DST: variants seen among roughly 807,000 people sequenced by gnomAD.
DST encodes the protein dystonin.
A neutral mutation model predicts 875.2 loss-of-function variants in DST; 253 were observed. That is an observed-to-expected ratio of 0.29 (90% CI 0.26 to 0.32). DST has a LOEUF of 0.32. Among genes scored for constraint, DST ranks in the 10% least tolerant of loss-of-function variants. DST has a pLI of 1.00. For synonymous variants in DST, 3,124 were observed against 3,197.1 expected (o/e 0.98, Z 0.77); for missense variants, 8,287 against 9,111.6 (o/e 0.91, Z 3.68).
At chr6:56,782,370 G>T (rs1298774895) in intron 4 of DST, among the ~76,000 whole-genome samples, 1 of 152,088 alleles carries the variant, frequency 6.6e-6, no homozygotes. Flanking sequence ...TTTTTGGTTG[G>T]TAAGCTATTG....
rs781334714 is a variant in DST, at chr6:56,508,524, C to T, written c.19239+5G>A. 3.7e-6 allele frequency: 6 copies of T among 1,609,638 alleles called. No homozygotes were observed. The highest frequency in any genetic ancestry group is 5.1e-6 in the Non-Finnish European group (6 of 1,176,358). On this transcript the variant is annotated splice_donor_5th_base_variant and intron_variant, in intron 75 of 103. Transcript: ENST00000680361. ...TTCTAACTTTAAATGAGATTTTCTG[C>T]TTACCTCTGCTGCTTCTTGCTGTTG...
At chr6:56,466,392 G>GT in intron 98 of DST, 197 bp from the exon 99 acceptor site, 1 of 369,370 alleles carries the variant, frequency 2.7e-6, no homozygotes, top group African/African-American at 2.1e-5. Context: ...AAAGGAAACA[G>GT]TTTGAAAAAA....
chr6:56,695,821 T>C (rs1333619894), intron 9 of DST, among the ~76,000 whole-genome samples: 1 of 152,182 alleles, frequency 6.6e-6, no homozygotes, highest in South Asian at 2.1e-4. Flanking sequence ...ATTGTTAAAA[T>C]AAAACAATTG....
chr6:56,642,626 G>C, intron 15 of DST, 123 bp from the exon 16 acceptor site: 1 of 1,614,068 alleles, frequency 6.2e-7, no homozygotes, highest in Non-Finnish European at 8.5e-7. Context: ...CAATACCTGT[G>C]TCCATCAAAG....
At chr6:56,600,605 G>C (rs2152702097) in intron 44 of DST, among the ~76,000 whole-genome samples, 1 of 152,126 alleles carries the variant, frequency 6.6e-6, no homozygotes, top group Non-Finnish European at 1.5e-5. Flanking sequence ...TAACATATTT[G>C]ATATGTGTAT....
At chr6:56,685,451 A>G (rs1267548975) in intron 9 of DST, among the ~76,000 whole-genome samples, 1 of 152,212 alleles carries the variant, frequency 6.6e-6, no homozygotes, top group Non-Finnish European at 1.5e-5. Flanking sequence ...CCACAATGAG[A>G]TACCATCTCA....
chr6:56,923,409 T>C (rs1423333899), intron 2 of DST, among the ~76,000 whole-genome samples: 1 of 71,596 alleles, frequency 1.4e-5, no homozygotes, highest in Admixed American at 1.1e-4. Flanking sequence ...GGAATTTTGA[T>C]TTTTTTCCCT....
chr6:56,631,173 T>A, intron 30 of DST, 38 bp downstream of exon 30: 1 of 1,190,908 alleles, frequency 8.4e-7, no homozygotes, highest in Non-Finnish European at 1.2e-6. Flanking sequence ...ATGAGAGTTG[T>A]ATGAAGCAAT....
chr6:56,593,268 C>T (rs768428977), intron 48 of DST, among the ~76,000 whole-genome samples: 1 of 152,086 alleles, frequency 6.6e-6, no homozygotes, highest in South Asian at 2.1e-4. Context: ...GCAATCCCAG[C>T]ACTTTGGGAA....
chr6:56,501,329 T>C (rs2096114825), intron 79 of DST, 94 bp from the exon 80 acceptor site: 1 of 1,360,416 alleles, frequency 7.4e-7, no homozygotes, highest in Non-Finnish European at 9.8e-7. Context: ...TTTCATGTTG[T>C]ATAAGTCCAT....
intron 15 of DST, among the ~76,000 whole-genome samples, chr6:56,643,523 T>A (rs2098925043): frequency 6.6e-6 from 1 of 152,218 alleles, no homozygotes; most frequent in South Asian, 2.1e-4. Flanking sequence ...TTTTCCATTC[T>A]ATAGGATATT....
At chr6:56,722,916 A>T (rs1399720800) in intron 5 of DST, among the ~76,000 whole-genome samples, 2 of 152,214 alleles carry the variant, frequency 1.3e-5, no homozygotes, top group Admixed American at 1.3e-4. Context: ...ACTTTCCTTC[A>T]ACTCATTTTC....
chr6:56,602,344 T>C (rs532105318), intron 43 of DST, among the ~76,000 whole-genome samples: 85 of 152,096 alleles, frequency 5.6e-4, no homozygotes, highest in Non-Finnish European at 5.4e-4. Context: ...TGTGTCACAA[T>C]TGCCTACAGT....
intron 4 of DST, among the ~76,000 whole-genome samples, chr6:56,784,269 C>T (rs1455852834): frequency 2.0e-5 from 3 of 152,158 alleles, no homozygotes; most frequent in African/African-American, 7.2e-5. Flanking sequence ...TGAATGTTGG[C>T]CTGCCTTGCT....
chr6:56,534,367 C>T (rs1007194917), intron 63 of DST, among the ~76,000 whole-genome samples: 7 of 152,100 alleles, frequency 4.6e-5, no homozygotes, highest in African/African-American at 1.7e-4. Context: ...CTGATTACTA[C>T]TCAAAGTGGT....
chr6:56,607,594 G>GAT lies in DST; in HGVS notation c.7032_7033dup (p.Ser2345TyrfsTer4), dbSNP rs1256047543. 2.2e-5 allele frequency: 36 copies of GAT among 1,612,816 alleles called. No individual in the cohort carries two copies. Among genetic ancestry groups the GAT allele is most frequent in the Non-Finnish European group, 3.1e-5 (36 of 1,179,452 alleles). Reference sequence around the variant, plus strand: ...TGCAAGTTCAGTCTGTGTTAAATATGATATGAGACTGGGAACACACACACT... The same window carrying GAT: ...TGCAAGTTCAGTCTGTGTTAAATATGATATATGAGACTGGGAACACACACACT... On this transcript the variant is annotated frameshift_variant, in exon 40 of 104. Coordinates refer to ENST00000680361, the MANE Select transcript of DST (RefSeq NM_001374736.1). LOFTEE classifies it high-confidence loss of function.
intron 89 of DST, chr6:56,482,465 GCA>G (rs1163841553): frequency 1.9e-6 from 1 of 532,542 alleles, no homozygotes; most frequent in African/African-American, 1.9e-5. Flanking sequence ...TACTCACGCA[GCA>G]CTTGTATGTG....
chr6:56,781,386 C>T (rs2099693509), intron 4 of DST, among the ~76,000 whole-genome samples: 1 of 152,174 alleles, frequency 6.6e-6, no homozygotes, highest in Non-Finnish European at 1.5e-5. Flanking sequence ...TTTGTATCCT[C>T]TTTTATTTCA....
chr6:56,679,864 C>G (rs2099148869), intron 9 of DST, among the ~76,000 whole-genome samples: 1 of 152,084 alleles, frequency 6.6e-6, no homozygotes, highest in Non-Finnish European at 1.5e-5. Flanking sequence ...TCCTCTCCTC[C>G]TTTATTGAGA....
Sources: allele counts gnomAD v4.1 joint callset (sites outside exome capture counted in the v4.1 genomes callset), GRCh38; gene constraint gnomAD v4.1.1; transcripts MANE v1.5; gene names NCBI Gene and HGNC (gene_info 2026-07-23, HGNC 2026-07-21).